Variants in LHFPL3 observed in about 807,000 individuals in gnomAD.
LHFPL3 encodes LHFPL tetraspan subfamily member 3 protein.
In LHFPL3, 5 loss-of-function variants were observed where a neutral mutation model predicts 19.3. The observed-to-expected ratio is 0.26, with a 90% CI of 0.14 to 0.54. LHFPL3 has a LOEUF of 0.54. Among genes scored for constraint, LHFPL3 ranks in the 20% least tolerant of loss-of-function variants. The pLI is 0.94. For missense variants in LHFPL3, 249 were observed against 307.4 expected (o/e 0.81, Z 1.42); for synonymous variants, 133 against 126.2 (o/e 1.05, Z -0.36).
At chr7:104,345,192 G>C (rs1018320047) in intron 1 of LHFPL3, among the ~76,000 whole-genome samples, 1 of 152,060 alleles carries the variant, frequency 6.6e-6, no homozygotes, top group Non-Finnish European at 1.5e-5. Flanking sequence ...AAATGTGTTG[G>C]CATAAAGCTG....
chr7:104,896,840 CT>C (rs1792371949), intron 2 of LHFPL3, among the ~76,000 whole-genome samples: 1 of 152,122 alleles, frequency 6.6e-6, no homozygotes, highest in Non-Finnish European at 1.5e-5. Context: ...AATCCCAGTA[CT>C]TTGGGAGGCC....
chr7:104,885,121 A>G (rs1403424525), intron 2 of LHFPL3, among the ~76,000 whole-genome samples: 2 of 152,226 alleles, frequency 1.3e-5, no homozygotes, highest in African/African-American at 4.8e-5. Flanking sequence ...ACTCTACCCC[A>G]GAGATCACAA....
chr7:104,483,480 T>C (rs572703775), intron 1 of LHFPL3, among the ~76,000 whole-genome samples: 42 of 152,330 alleles, frequency 2.8e-4, no homozygotes, highest in African/African-American at 7.9e-4. Context: ...ACTGTTTGTC[T>C]CAAGAAATAA....
chr7:104,581,556 T>A (rs1309534766), intron 1 of LHFPL3, among the ~76,000 whole-genome samples: 1 of 152,084 alleles, frequency 6.6e-6, no homozygotes, highest in Non-Finnish European at 1.5e-5. Flanking sequence ...ATGCACTGTG[T>A]CTGTTTAAGA....
chr7:104,511,949 T>TC (rs1268203533), intron 1 of LHFPL3, among the ~76,000 whole-genome samples: 105 of 145,908 alleles, frequency 7.2e-4, no homozygotes, highest in Non-Finnish European at 1.4e-3. Context: ...CTTTTCTTTT[T>TC]TTTTTTTTTT....
chr7:104,866,597 A>G (rs1421859035), intron 2 of LHFPL3, among the ~76,000 whole-genome samples: 1 of 152,230 alleles, frequency 6.6e-6, no homozygotes, highest in African/African-American at 2.4e-5. Flanking sequence ...ACACCTACAA[A>G]GAGACTTAGA....
At chr7:104,814,616 T>C (rs919921411) in intron 2 of LHFPL3, among the ~76,000 whole-genome samples, 45 of 151,776 alleles carry the variant, frequency 3.0e-4, no homozygotes, top group Non-Finnish European at 5.4e-4. Flanking sequence ...CCCAGGAACC[T>C]GTCTGCCTCC....
chr7:104,605,989 T>C (rs1230236312), intron 1 of LHFPL3, among the ~76,000 whole-genome samples: 2 of 152,240 alleles, frequency 1.3e-5, no homozygotes, highest in African/African-American at 2.4e-5. Context: ...TATAAAGGCA[T>C]TGGTTGGCAC....
intron 1 of LHFPL3, among the ~76,000 whole-genome samples, chr7:104,419,495 T>C (rs1033658616): frequency 3.9e-5 from 6 of 151,900 alleles, no homozygotes; most frequent in Non-Finnish European, 2.9e-5. Flanking sequence ...GAGAAGGAAA[T>C]GAAAGGGAAA....
chr7:104,837,848 A>G (rs1361986789), intron 2 of LHFPL3, among the ~76,000 whole-genome samples: 1 of 152,240 alleles, frequency 6.6e-6, no homozygotes, highest in Non-Finnish European at 1.5e-5. Context: ...ATATTCCACA[A>G]TACTTATCAC....
intron 1 of LHFPL3, among the ~76,000 whole-genome samples, chr7:104,642,119 C>CCTCT (rs1277925932): frequency 6.7e-6 from 1 of 149,280 alleles, no homozygotes; most frequent in Non-Finnish European, 1.5e-5. Context: ...CTCACTGCAG[C>CCTCT]CTCTGCCTCC....
chr7:104,416,549 G>C (rs1036623374), intron 1 of LHFPL3, among the ~76,000 whole-genome samples: 2 of 152,166 alleles, frequency 1.3e-5, no homozygotes, highest in Admixed American at 1.3e-4. Flanking sequence ...ACATGCCCAT[G>C]TCCTTCCTAC....
intron 1 of LHFPL3, among the ~76,000 whole-genome samples, chr7:104,701,983 A>G (rs1282929264): frequency 2.0e-5 from 3 of 152,088 alleles, no homozygotes; most frequent in Non-Finnish European, 4.4e-5. Context: ...ATCTACATTA[A>G]TGCTAATGCT....
At chr7:104,841,035 G>A (rs1791192082) in intron 2 of LHFPL3, among the ~76,000 whole-genome samples, 1 of 152,152 alleles carries the variant, frequency 6.6e-6, no homozygotes, top group Non-Finnish European at 1.5e-5. Context: ...TCCAGTAGGA[G>A]CAATAATGGT....
intron 2 of LHFPL3, chr7:104,796,857 C>A (rs940925029): frequency 2.0e-5 from 3 of 152,696 alleles, no homozygotes; most frequent in East Asian, 3.8e-4. Flanking sequence ...CTGCTCCATC[C>A]TGAGACTGGG....
At chr7:104,584,740 G>A (rs1479522278) in intron 1 of LHFPL3, among the ~76,000 whole-genome samples, 2 of 152,052 alleles carry the variant, frequency 1.3e-5, no homozygotes, top group African/African-American at 2.4e-5. Context: ...CCACTTCAAG[G>A]AAGTAGTAAA....
chr7:104,650,177 T>G (rs1365027374), intron 1 of LHFPL3, among the ~76,000 whole-genome samples: 3 of 152,186 alleles, frequency 2.0e-5, no homozygotes, highest in Non-Finnish European at 4.4e-5. Flanking sequence ...ATGCCAAGAT[T>G]GGATGCCACA....
intron 1 of LHFPL3, among the ~76,000 whole-genome samples, chr7:104,345,701 T>G (rs1790051623): frequency 6.6e-6 from 1 of 152,194 alleles, no homozygotes; most frequent in African/African-American, 2.4e-5. Flanking sequence ...ATTTTTAATA[T>G]TTAGTACTTT....
chr7:104,891,191 T>A (rs993935591), intron 2 of LHFPL3, among the ~76,000 whole-genome samples: 1 of 151,882 alleles, frequency 6.6e-6, no homozygotes, highest in Non-Finnish European at 1.5e-5. Context: ...AAAAAAAATT[T>A]GTTTTGTTTG....
Sources: allele counts gnomAD v4.1 joint callset (sites outside exome capture counted in the v4.1 genomes callset), GRCh38; gene constraint gnomAD v4.1.1; transcripts MANE v1.5; gene names NCBI Gene and HGNC (gene_info 2026-07-23, HGNC 2026-07-21).